Variants in ADGRB3 observed in about 807,000 individuals in gnomAD.
The protein encoded by ADGRB3 is brain-specific angiogenesis inhibitor 3.
In ADGRB3, 37 loss-of-function variants were observed where a neutral mutation model predicts 193.4. The ratio of observed to expected loss-of-function variants is 0.19; its 90% CI spans 0.15 to 0.25. ADGRB3 has a LOEUF of 0.25. Among genes scored for constraint, ADGRB3 ranks in the 10% least tolerant of loss-of-function variants. ADGRB3 has a pLI of 1.00. For missense variants in ADGRB3, 1,637 were observed against 1,852.9 expected (o/e 0.88, Z 2.14); for synonymous variants, 690 against 644.2 (o/e 1.07, Z -1.08).
At chr6:68,682,861 T>A (rs187473117) in intron 3 of ADGRB3, among the ~76,000 whole-genome samples, 1 of 151,892 alleles carries the variant, frequency 6.6e-6, no homozygotes, top group Admixed American at 6.6e-5. Context: ...CACTGCAACC[T>A]CTGCTTCCCG....
intron 3 of ADGRB3, among the ~76,000 whole-genome samples, chr6:68,903,734 G>C (rs1164579109): frequency 6.6e-6 from 1 of 151,990 alleles, no homozygotes; most frequent in Admixed American, 6.6e-5. Flanking sequence ...GGGGCCAGGA[G>C]CAGTGGTCAT....
intron 3 of ADGRB3, among the ~76,000 whole-genome samples, chr6:68,743,341 G>GT (rs111910495): frequency 0.047 from 5,408 of 115,660 alleles, 256 homozygotes; most frequent in African/African-American, 0.12. Context: ...TCTTCTACTT[G>GT]TTTTTTTTTT....
At chr6:69,104,870 T>G (rs1773167019) in intron 17 of ADGRB3, among the ~76,000 whole-genome samples, 1 of 152,202 alleles carries the variant, frequency 6.6e-6, no homozygotes, top group African/African-American at 2.4e-5. Context: ...TTTTACTGTT[T>G]CATTATCATC....
At chr6:69,137,912 C>T (rs1421600637) in intron 17 of ADGRB3, among the ~76,000 whole-genome samples, 1 of 152,202 alleles carries the variant, frequency 6.6e-6, no homozygotes, top group Non-Finnish European at 1.5e-5. Context: ...GCAGAATGGC[C>T]TTCTTCCGTG....
chr6:68,909,681 T>A (rs907414383), intron 3 of ADGRB3, among the ~76,000 whole-genome samples: 3 of 152,182 alleles, frequency 2.0e-5, no homozygotes, highest in African/African-American at 7.2e-5. Context: ...CGCTTCTTTG[T>A]CGGTCTCAGA....
chr6:68,778,347 T>G (rs966776652), intron 3 of ADGRB3, among the ~76,000 whole-genome samples: 1 of 152,120 alleles, frequency 6.6e-6, no homozygotes, highest in Non-Finnish European at 1.5e-5. Context: ...CAATTCTTTA[T>G]AGCTTGTTCA....
chr6:69,104,557 T>C (rs1002868862), intron 17 of ADGRB3, among the ~76,000 whole-genome samples: 102 of 152,096 alleles, frequency 6.7e-4, no homozygotes, highest in African/African-American at 2.5e-3. Flanking sequence ...TATTAGATTT[T>C]TTCAACATTT....
chr6:68,751,213 AAC>A, intron 3 of ADGRB3, among the ~76,000 whole-genome samples: 1 of 152,322 alleles, frequency 6.6e-6, no homozygotes, highest in Middle Eastern at 3.4e-3. Flanking sequence ...CATGCTTCAT[AAC>A]ACAAAACTCC....
At chr6:68,757,195 AC>A (rs1449004602) in intron 3 of ADGRB3, among the ~76,000 whole-genome samples, 1 of 151,972 alleles carries the variant, frequency 6.6e-6, no homozygotes, top group Non-Finnish European at 1.5e-5. Context: ...AGCTTTTTTG[AC>A]CAGGTCTCTG....
At chr6:68,875,150 CTCCTTCCTTCCTTCCTTCCTTCCT>C (rs201497712) in intron 3 of ADGRB3, among the ~76,000 whole-genome samples, 3 of 24,482 alleles carry the variant, frequency 1.2e-4, no homozygotes, top group African/African-American at 5.0e-4. Context: ...TCATTTCTTT[CTCCTTCCTTCCTTCCTTCCTTCCT>C]TCCTTCCTTC....
At chr6:68,729,695 G>C (rs1765735645) in intron 3 of ADGRB3, among the ~76,000 whole-genome samples, 1 of 151,558 alleles carries the variant, frequency 6.6e-6, no homozygotes, top group Admixed American at 6.6e-5. Context: ...GGTGGTTGTT[G>C]CAATTACTGT....
At chr6:69,056,285 A>C (rs1771544665) in intron 15 of ADGRB3, among the ~76,000 whole-genome samples, 1 of 152,010 alleles carries the variant, frequency 6.6e-6, no homozygotes, top group African/African-American at 2.4e-5. Context: ...ATGTCTATTC[A>C]AGTCTTTTGC....
intron 10 of ADGRB3, among the ~76,000 whole-genome samples, chr6:68,982,495 CAG>C (rs1249458146): frequency 6.6e-6 from 1 of 152,104 alleles, no homozygotes; most frequent in African/African-American, 2.4e-5. Flanking sequence ...CTCTGAGAGA[CAG>C]AGGGAGATTC....
At chr6:68,867,554 T>A (rs1275680723) in intron 3 of ADGRB3, among the ~76,000 whole-genome samples, 1 of 152,086 alleles carries the variant, frequency 6.6e-6, no homozygotes. Flanking sequence ...AGTGGAGCTA[T>A]ACAAAGAAGC....
chr6:68,780,131 A>T (rs1241544294), intron 3 of ADGRB3, among the ~76,000 whole-genome samples: 1 of 151,944 alleles, frequency 6.6e-6, no homozygotes, highest in Non-Finnish European at 1.5e-5. Flanking sequence ...GGATATTCAT[A>T]CTCCGAGTGG....
chr6:69,009,349 G>A (rs1265858061), intron 11 of ADGRB3, among the ~76,000 whole-genome samples: 2 of 152,064 alleles, frequency 1.3e-5, no homozygotes, highest in African/African-American at 2.4e-5. Context: ...TGAGGAAATT[G>A]CATGTAAATC....
rs867921220 is a variant in ADGRB3, at chr6:69,115,512, G to A, written c.2480+39474G>A. On this transcript the variant is annotated intron_variant, in intron 17 of 31. Transcript: ENST00000370598. ...CCAAATGTAGATGACAGGTTGATGGGTGCAGCAAACCACCACGGCACGTGT... is the reference window on the plus strand; with the variant it reads ...CCAAATGTAGATGACAGGTTGATGGATGCAGCAAACCACCACGGCACGTGT... 2.6e-4 allele frequency among the ~76,000 whole-genome samples: 39 copies of A among 152,216 alleles called. 1 individual carries two copies. Among genetic ancestry groups the A allele is most frequent in the African/African-American group, 8.9e-4 (37 of 41,534 alleles).
At chr6:68,971,923 C>G (rs187729167) in intron 8 of ADGRB3, among the ~76,000 whole-genome samples, 10 of 152,280 alleles carry the variant, frequency 6.6e-5, no homozygotes, top group Non-Finnish European at 1.5e-4. Context: ...GCTGCTCTCC[C>G]TAGGAGACAC....
intron 3 of ADGRB3, among the ~76,000 whole-genome samples, chr6:68,690,380 A>T (rs1218381374): frequency 2.0e-5 from 3 of 152,106 alleles, no homozygotes; most frequent in Non-Finnish European, 4.4e-5. Flanking sequence ...TAGGGATACA[A>T]GTTTCCCCCT....
Sources: gnomAD v4.1 joint callset for allele counts (sites outside exome capture counted in the v4.1 genomes callset) on GRCh38, gnomAD v4.1.1 for gene constraint, MANE v1.5 for transcripts, NCBI Gene and HGNC (gene_info 2026-07-23, HGNC 2026-07-21) for gene names.